CASZ1: variants seen among roughly 807,000 people sequenced by gnomAD.
The protein encoded by CASZ1 is castor zinc finger 1.
CASZ1 carries 28 observed loss-of-function variants against 135.2 expected under a neutral mutation model. That is an observed-to-expected ratio of 0.21 (90% CI 0.15 to 0.28). The LOEUF is 0.28. Ranked by LOEUF, CASZ1 falls within the 10% of genes least tolerant of loss-of-function variation. CASZ1 has a pLI of 1.00. For synonymous variants in CASZ1, 1,068 were observed against 1,073.4 expected (o/e 0.99, Z 0.10); for missense variants, 2,161 against 2,453.3 (o/e 0.88, Z 2.52).
chr1:10,639,101 GTCGTCGTCC>G lies in CASZ1; in HGVS notation c.5112_5120del (p.Glu1704_Asp1706del). 2.6e-6 allele frequency: 3 copies of G among 1,146,240 alleles called. No individual in the cohort carries two copies. The highest frequency in any genetic ancestry group is 4.1e-5 in the South Asian group (2 of 48,648). The allele number at this position is 1,146,240 out of a possible 1,614,324, so 71.0% of individuals were successfully genotyped here. ...GCAGGTCCTCGTCGTCGTCGTCCTCGTCGTCGTCCTCGTCGTCGTCGTCCTCGTCGTCGT... is the reference window on the plus strand; with the variant it reads ...GCAGGTCCTCGTCGTCGTCGTCCTCGTCGTCGTCGTCGTCCTCGTCGTCGT... On this transcript the variant is annotated inframe_deletion, in exon 21 of 21. Transcript: ENST00000377022. The surrounding 1 kb of genome is among the most constrained non-coding windows in gnomAD (Gnocchi z 4.0).
intron 1 of CASZ1, among the ~76,000 whole-genome samples, chr1:10,789,524 G>GTCTC (rs138435396): frequency 6.8e-6 from 1 of 147,504 alleles, no homozygotes; most frequent in East Asian, 2.0e-4. Context: ...ACACGTCCCT[G>GTCTC]TCTCTCTCTC....
chr1:10,639,428 C>A lies in CASZ1; in HGVS notation c.4794G>T (p.Gln1598His). 6.4e-7 allele frequency: 1 copy of A among 1,573,426 alleles called. No individual in the cohort carries two copies. The highest frequency in any genetic ancestry group is 8.6e-7 in the Non-Finnish European group (1 of 1,160,524). The change falls in exon 21 of 21, where the codon CAG becomes CAT. Residue 1598 changes from glutamine to histidine, a missense_variant. Gln to His is a conservative substitution (Grantham distance 24). Around this residue, in one of 7 missense-constraint regions of CASZ1, gnomAD observed 240 missense variants for 321.4 expected, o/e 0.75. Transcript: ENST00000377022. This position sits in a 1 kb window ranked among gnomAD's most constrained non-coding sequence, Gnocchi z 4.0. ...CCTCTGCCGCGGGCTCGCCGCGCTC[C>A]TGCTTCTCGTGCTTGCGCTTGTGCG... The part of the protein sequence containing the change: ...MDSHKRKHEK[Q>H]ERGEPAAEGP...
intron 4 of CASZ1, among the ~76,000 whole-genome samples, 177 bp from the exon 5 acceptor site, chr1:10,665,748 G>A (rs563521990): frequency 9.1e-4 from 139 of 152,306 alleles, no homozygotes; most frequent in African/African-American, 3.1e-3. Context: ...TATGAGCTCC[G>A]TGGCCATGCT....
Position 10,639,079 on chromosome 1 carries a change from G to GGTCCTCGTCGTCGTC in CASZ1, c.5128_5142dup (p.Asp1710_Asp1714dup). 1.7e-6 allele frequency: 2 copies of GGTCCTCGTCGTCGTC among 1,144,714 alleles called. No homozygotes were observed. The highest frequency in any genetic ancestry group is 2.0e-5 in the South Asian group (1 of 49,202). The allele number at this position is 1,144,714 out of a possible 1,614,324, so 70.9% of individuals were successfully genotyped here. A position where few individuals can be genotyped will look rare whatever the true frequency, so the allele number is the denominator to read the frequency against. On this transcript the variant is annotated inframe_insertion, in exon 21 of 21. Transcript: ENST00000377022. The surrounding 1 kb of genome is among the most constrained non-coding windows in gnomAD (Gnocchi z 4.0). The stretch of plus-strand genomic sequence containing the variant: ...AGCGACTCCTCCGAGTCGGTGCGCA[G>GGTCCTCGTCGTCGTC]GTCCTCGTCGTCGTCGTCCTCGTCG...
At position 10,694,953 on chromosome 1, in the gene CASZ1, C is replaced by G. The variant is rs1638896120; in HGVS notation, c.-23-1041G>C. ...GCTCGGGCCCCGCGAGCGCGACCGACGGCCGCCGCGCGCGCCTGCCCCACG... is the reference window on the plus strand; with the variant it reads ...GCTCGGGCCCCGCGAGCGCGACCGAGGGCCGCCGCGCGCGCCTGCCCCACG... On this transcript the variant is annotated intron_variant, in intron 3 of 20. Transcript: ENST00000377022. This position sits in a 1 kb window ranked among gnomAD's most constrained non-coding sequence, Gnocchi z 6.6. Among the ~76,000 whole-genome samples the G allele has an allele frequency of 6.9e-6, 1 of 144,756 alleles. No individual in the cohort carries two copies. The highest frequency in any genetic ancestry group is 2.5e-5 in the African/African-American group (1 of 40,306). 95.0% of individuals were successfully genotyped at this position (144,756 alleles called of 152,430 possible). A position where few individuals can be genotyped will look rare whatever the true frequency, so the allele number is the denominator to read the frequency against.
chr1:10,781,280 G>A (rs1183403177), intron 1 of CASZ1, among the ~76,000 whole-genome samples: 4 of 152,216 alleles, frequency 2.6e-5, no homozygotes, highest in African/African-American at 9.6e-5. Context: ...AGGACATGCA[G>A]GGAGATCCCT....
chr1:10,715,912 C>T (rs1214647426), intron 2 of CASZ1, among the ~76,000 whole-genome samples: 2 of 138,474 alleles, frequency 1.4e-5, no homozygotes, highest in Non-Finnish European at 1.5e-5. Context: ...CAATCCTCTC[C>T]CCACAGCACC....
chr1:10,774,828 G>A lies in CASZ1; in HGVS notation c.-233-13971C>T. On this transcript the variant is annotated intron_variant, in intron 1 of 20. Coordinates refer to ENST00000377022, the MANE Select transcript of CASZ1 (RefSeq NM_001079843.3). The surrounding 1 kb of genome is among the most constrained non-coding windows in gnomAD (Gnocchi z 4.4). ...CACAAGCACAGTCCTGACACTCAGA[G>A]CTCCCGCGGTCTTACAGACAAGGGA... 6.6e-6 allele frequency among the ~76,000 whole-genome samples: 1 copy of A among 152,106 alleles called. No individual in the cohort carries two copies. The highest frequency in any genetic ancestry group is 1.9e-4 in the East Asian group (1 of 5,184).
intron 4 of CASZ1, among the ~76,000 whole-genome samples, chr1:10,687,286 C>T (rs1638626138): frequency 1.3e-5 from 2 of 152,256 alleles, no homozygotes; most frequent in African/African-American, 4.8e-5. Context: ...CGTTTCCCAG[C>T]TCCTGCCTTC....
At chr1:10,736,614 G>A (rs1639802717) in intron 2 of CASZ1, among the ~76,000 whole-genome samples, 1 of 152,204 alleles carries the variant, frequency 6.6e-6, no homozygotes, top group Non-Finnish European at 1.5e-5. Context: ...AAACACACAG[G>A]GCAGAGCGGA....
chr1:10,714,049 G>A (rs1056418567), intron 2 of CASZ1, among the ~76,000 whole-genome samples: 3 of 152,226 alleles, frequency 2.0e-5, no homozygotes, highest in Non-Finnish European at 2.9e-5. Context: ...GCTCACACCT[G>A]TAATCCCAGC....
rs144893147 is a variant in CASZ1, at chr1:10,653,682, T to G, written c.2375A>C (p.Asn792Thr). 2 of 1,563,150 alleles carry G rather than the reference T, an allele frequency of 1.3e-6. No homozygotes were observed. Among genetic ancestry groups the G allele is most frequent in the East Asian group, 2.3e-5 (1 of 44,366 alleles). ...GSIPLALALS[N>T]SGLPTPTPYF... is the part of the protein sequence containing the mutation. ...GGGCGTGGGGGTGGGCAGGCCCGAG[T>G]TGGAGAGGGCCAGGGCCAGGGGGAT... Residue 792 changes from asparagine to threonine, a missense_variant, in exon 11 of 21, where the codon AAC becomes ACC. Around this residue, in one of 7 missense-constraint regions of CASZ1, gnomAD observed 406 missense variants for 387.6 expected, o/e 1.05. Coordinates refer to ENST00000377022, the MANE Select transcript of CASZ1 (RefSeq NM_001079843.3).
rs1386069864 is a variant in CASZ1, at chr1:10,739,907, C to T, written c.-77+20794G>A. Among the ~76,000 whole-genome samples, 5 of 152,178 alleles carry T rather than the reference C, an allele frequency of 3.3e-5. No individual in the cohort carries two copies. The highest frequency in any genetic ancestry group is 1.3e-4 in the Admixed American group (2 of 15,284). ...CCCAGACGAGTCCCTCCTGAAAGGGCGAAACTCAGTCGTTCAGGGAGAAAG... is the reference window on the plus strand; with the variant it reads ...CCCAGACGAGTCCCTCCTGAAAGGGTGAAACTCAGTCGTTCAGGGAGAAAG... On this transcript the variant is annotated intron_variant, in intron 2 of 20. Coordinates refer to ENST00000377022, the MANE Select transcript of CASZ1 (RefSeq NM_001079843.3). The surrounding 1 kb of genome is among the most constrained non-coding windows in gnomAD (Gnocchi z 4.8).
At chr1:10,681,941 G>C (rs1409054562) in intron 4 of CASZ1, among the ~76,000 whole-genome samples, 1 of 152,242 alleles carries the variant, frequency 6.6e-6, no homozygotes, top group Non-Finnish European at 1.5e-5. Flanking sequence ...GGCCCCAGTT[G>C]TTCGAACATT....
chr1:10,768,581 G>A (rs984779516), intron 1 of CASZ1, among the ~76,000 whole-genome samples: 2 of 152,218 alleles, frequency 1.3e-5, no homozygotes, highest in African/African-American at 4.8e-5. Context: ...CTTCTGGGGT[G>A]AAGGGTGAGG....
chr1:10,792,384 G>T (rs1236734374), intron 1 of CASZ1, among the ~76,000 whole-genome samples: 2 of 136,938 alleles, frequency 1.5e-5, no homozygotes, highest in Non-Finnish European at 3.1e-5. Context: ...GGGTGGGGTT[G>T]GGGGGGGTGT....
At chr1:10,772,258 T>G (rs1008974981) in intron 1 of CASZ1, among the ~76,000 whole-genome samples, 2 of 152,120 alleles carry the variant, frequency 1.3e-5, no homozygotes, top group African/African-American at 4.8e-5. Context: ...CAGGCCACAT[T>G]GCAGCTGGGA....
chr1:10,749,784 G>A (rs986014178), intron 2 of CASZ1, among the ~76,000 whole-genome samples: 2 of 152,208 alleles, frequency 1.3e-5, no homozygotes, highest in African/African-American at 2.4e-5. Flanking sequence ...TTTCTTAGAA[G>A]TGTTAAAAGA....
chr1:10,776,305 T>C lies in CASZ1; in HGVS notation c.-233-15448A>G, dbSNP rs769429513. Among the ~76,000 whole-genome samples, 2 of 152,210 alleles carry C rather than the reference T, an allele frequency of 1.3e-5. No homozygotes were observed. Among genetic ancestry groups the C allele is most frequent in the Non-Finnish European group, 2.9e-5 (2 of 68,036 alleles). On this transcript the variant is annotated intron_variant, in intron 1 of 20. Coordinates refer to ENST00000377022, the MANE Select transcript of CASZ1 (RefSeq NM_001079843.3). The surrounding 1 kb of genome is among the most constrained non-coding windows in gnomAD (Gnocchi z 4.1). The stretch of plus-strand genomic sequence containing the variant: ...TACATTCTCATCCCCTTAATCTCCA[T>C]AGTAGTGGCTTCAAAATCATTCCTC...
Sources: gnomAD v4.1 joint callset for allele counts (sites outside exome capture counted in the v4.1 genomes callset) on GRCh38, gnomAD v4.1.1 for gene constraint, gnomAD v4.1.1 regional missense constraint, Gnocchi (gnomAD v3.1) non-coding constraint, MANE v1.5 for transcripts, NCBI Gene and HGNC (gene_info 2026-07-23, HGNC 2026-07-21) for gene names.